The following EPB41L4B variants were observed in gnomAD, a reference collection of about 807,000 sequenced individuals.
EPB41L4B encodes band 4.1-like protein 4B.
EPB41L4B carries 30 observed loss-of-function variants against 112.5 expected under a neutral mutation model. The ratio of observed to expected loss-of-function variants is 0.27; its 90% CI spans 0.20 to 0.36. The LOEUF (loss-of-function observed/expected upper bound fraction) is 0.36. Among genes scored for constraint, EPB41L4B ranks in the 10% least tolerant of loss-of-function variants. The pLI is 1.00. For missense variants in EPB41L4B, 1,024 were observed against 1,133.3 expected, an observed-to-expected ratio of 0.90 and a Z score of 1.38; for synonymous variants, 408 against 439.7, an observed-to-expected ratio of 0.93 and a Z score of 0.90.
At chr9:109,204,499 T>G (rs886703675) in intron 18 of EPB41L4B, among the ~76,000 whole-genome samples, 21 of 152,318 alleles carry the variant, frequency 1.4e-4, no homozygotes, top group Admixed American at 1.4e-3. Flanking sequence ...GTTTTTGATT[T>G]CTTTATTTCT....
chr9:109,319,479 C>A (rs1837759491), intron 1 of EPB41L4B, among the ~76,000 whole-genome samples: 1 of 152,184 alleles, frequency 6.6e-6, no homozygotes, highest in Non-Finnish European at 1.5e-5. Flanking sequence ...CTGAGACAGC[C>A]GACTCTAGAG....
At chr9:109,267,269 A>C (rs182461680) in intron 4 of EPB41L4B, among the ~76,000 whole-genome samples, 29 of 152,368 alleles carry the variant, frequency 1.9e-4, no homozygotes, top group African/African-American at 7.0e-4. Context: ...GTATCTTCTA[A>C]TTTCTATTCA....
intron 17 of EPB41L4B, among the ~76,000 whole-genome samples, chr9:109,209,820 T>G (rs1564267267): frequency 6.6e-6 from 1 of 152,098 alleles, no homozygotes; most frequent in Non-Finnish European, 1.5e-5. Flanking sequence ...CCCCAGTTTA[T>G]AGATACAAAA....
rs1439411404 is a variant in EPB41L4B at position 109,174,485 on chromosome 9, A to G, written c.*69T>C. On this transcript the variant is annotated 3_prime_UTR_variant, in exon 26 of 26. Transcript: ENST00000374566. Reference sequence around the variant, plus strand: ...ACTTGTATGCTGTGCTAGAGTGAGCACACAAAGCCCGAAGAAAGAAGACGG... The same window carrying G: ...ACTTGTATGCTGTGCTAGAGTGAGCGCACAAAGCCCGAAGAAAGAAGACGG... 6.9e-7 allele frequency: 1 copy of G among 1,440,758 alleles called. No homozygotes were observed. The highest frequency in any genetic ancestry group is 1.4e-5 in the African/African-American group (1 of 71,558). The allele number at this position is 1,440,758 out of a possible 1,614,324, so 89.2% of individuals were successfully genotyped here.
intron 13 of EPB41L4B, among the ~76,000 whole-genome samples, chr9:109,250,255 G>C (rs544452585): frequency 1.4e-4 from 22 of 152,304 alleles, no homozygotes; most frequent in African/African-American, 5.1e-4. Flanking sequence ...TCCAGAGCTG[G>C]GTTAGAACAC....
At chr9:109,207,057 C>A (rs1833012284) in intron 18 of EPB41L4B, among the ~76,000 whole-genome samples, 1 of 152,248 alleles carries the variant, frequency 6.6e-6, no homozygotes, top group Admixed American at 6.5e-5. Context: ...GACCCACAGG[C>A]ATGTCTTAAG....
chr9:109,203,621 A>G lies in EPB41L4B; in HGVS notation c.1946+42T>C, dbSNP rs1172039643. The G allele has an allele frequency of 4.1e-6, 6 of 1,460,618 alleles. No individual in the cohort carries two copies. In the African/African-American group the frequency reaches 8.4e-5, roughly 20 times the overall value. The allele number at this position is 1,460,618 out of a possible 1,614,324, so 90.5% of individuals were successfully genotyped here. ...ATGTTTCAAGGATAATGTTGATGAT[A>G]CAGAGAATATCATTTCCCCATTCAG... On this transcript the variant is annotated intron_variant, in intron 19 of 25. Coordinates refer to ENST00000374566, the MANE Select transcript of EPB41L4B (RefSeq NM_019114.5).
chr9:109,217,965 C>T (rs557165872), intron 15 of EPB41L4B, among the ~76,000 whole-genome samples: 2 of 151,926 alleles, frequency 1.3e-5, no homozygotes, highest in East Asian at 1.9e-4. Context: ...TGTCATCTCC[C>T]ACCTAGACTC....
At chr9:109,279,745 C>T (rs1465381734) in intron 2 of EPB41L4B, 72 bp downstream of exon 2, 1 of 1,299,708 alleles carries the variant, frequency 7.7e-7, no homozygotes, top group Non-Finnish European at 1.1e-6. Flanking sequence ...CTACCCATTT[C>T]TAGCAACTGT....
rs1835814620 is a variant in EPB41L4B, at chr9:109,276,164, C to CGTGTGTGT, written c.411+3652_411+3653insACACACAC. Among the ~76,000 whole-genome samples the CGTGTGTGT allele has an allele frequency of 2.1e-3, 3 of 1,398 alleles. No homozygotes were observed. In the South Asian group the frequency reaches 0.075, roughly 35 times the overall value. The allele number at this position is 1,398 out of a possible 152,430, so 0.9% of individuals were successfully genotyped here. The stretch of plus-strand genomic sequence containing the variant: ...ATATACGTGTGTGTATACACACACA[C>CGTGTGTGT]ACACACACACACACACACACACACA... On this transcript the variant is annotated intron_variant, in intron 2 of 25. Coordinates refer to ENST00000374566, the MANE Select transcript of EPB41L4B (RefSeq NM_019114.5).
intron 1 of EPB41L4B, among the ~76,000 whole-genome samples, chr9:109,304,924 T>C (rs904545622): frequency 1.3e-5 from 2 of 152,086 alleles, no homozygotes; most frequent in African/African-American, 4.8e-5. Context: ...GGGTTTCCTT[T>C]TGGGGTGATG....
At chr9:109,290,689 G>A (rs1443655351) in intron 1 of EPB41L4B, among the ~76,000 whole-genome samples, 1 of 150,268 alleles carries the variant, frequency 6.7e-6, no homozygotes, top group African/African-American at 2.5e-5. Flanking sequence ...CACTTTCTAT[G>A]AGCCTTGGCA....
intron 1 of EPB41L4B, among the ~76,000 whole-genome samples, chr9:109,312,093 A>C (rs1272824553): frequency 6.6e-6 from 1 of 152,182 alleles, no homozygotes; most frequent in African/African-American, 2.4e-5. Context: ...AATACACACA[A>C]AAGAGGGCAC....
intron 1 of EPB41L4B, among the ~76,000 whole-genome samples, chr9:109,284,380 G>A (rs575215820): frequency 2.6e-5 from 4 of 152,190 alleles, no homozygotes; most frequent in Non-Finnish European, 5.9e-5. Flanking sequence ...ATATTAGGAT[G>A]AAGCATAGAG....
chr9:109,257,838 T>G (rs912188505), intron 7 of EPB41L4B, among the ~76,000 whole-genome samples: 1 of 151,764 alleles, frequency 6.6e-6, no homozygotes, highest in Non-Finnish European at 1.5e-5. Flanking sequence ...CTGCAAAAAA[T>G]AGAAAAATGA....
In EPB41L4B at chr9:109,256,385, G is replaced by T; in HGVS notation, c.840+8C>A. 6.2e-7 allele frequency: 1 copy of T among 1,613,770 alleles called. No homozygotes were observed. The highest frequency in any genetic ancestry group is 8.5e-7 in the Non-Finnish European group (1 of 1,179,774). On this transcript the variant is annotated splice_region_variant and intron_variant, in intron 8 of 25. Coordinates refer to ENST00000374566, the MANE Select transcript of EPB41L4B (RefSeq NM_019114.5). Reference sequence around the variant, plus strand: ...AAACCAAATTACTTAAACGCACACAGTTCTTACCCTGACAACGTGCATGTC... The same window carrying T: ...AAACCAAATTACTTAAACGCACACATTTCTTACCCTGACAACGTGCATGTC...
chr9:109,211,137 C>T (rs1218676306), intron 17 of EPB41L4B, among the ~76,000 whole-genome samples: 1 of 152,098 alleles, frequency 6.6e-6, no homozygotes, highest in Non-Finnish European at 1.5e-5. Context: ...GAAAGTTATC[C>T]AAACCTTAGA....
At chr9:109,272,010 G>A (rs1320997050) in intron 2 of EPB41L4B, among the ~76,000 whole-genome samples, 1 of 152,160 alleles carries the variant, frequency 6.6e-6, no homozygotes, top group African/African-American at 2.4e-5. Context: ...AAATCTACAT[G>A]GGAGCATTGG....
chr9:109,194,369 C>T lies in EPB41L4B; in HGVS notation c.2074G>A (p.Ala692Thr), dbSNP rs984952946. 9.9e-6 allele frequency: 16 copies of T among 1,614,112 alleles called. No individual in the cohort carries two copies. The highest frequency in any genetic ancestry group is 1.4e-5 in the Non-Finnish European group (16 of 1,180,016). Reference sequence around the variant, plus strand: ...GATGTGGTCACTCCCACTGCCTCGGCCAGGTCTGGAGGGAGGTCGTCTTCA... The same window carrying T: ...GATGTGGTCACTCCCACTGCCTCGGTCAGGTCTGGAGGGAGGTCGTCTTCA... The part of the protein sequence containing the change: ...FDEDDLPPDL[A>T]EAVGVTTSTT... The change falls in exon 21 of 26, where the codon GCC becomes ACC. Residue 692 changes from alanine (A) to threonine (T), a missense_variant. Ala to Thr is a moderately conservative substitution (Grantham distance 58). Coordinates refer to ENST00000374566, the MANE Select transcript of EPB41L4B (RefSeq NM_019114.5).
Sources: gnomAD v4.1 joint callset for allele counts (sites outside exome capture counted in the v4.1 genomes callset) on GRCh38, gnomAD v4.1.1 for gene constraint, MANE v1.5 for transcripts, NCBI Gene and HGNC (gene_info 2026-07-23, HGNC 2026-07-21) for gene names.